Variants in RABGAP1L observed in about 807,000 individuals in gnomAD.
RABGAP1L encodes RAB GTPase activating protein 1 like.
Under a neutral mutation model 137.7 loss-of-function variants are expected in RABGAP1L, and 63 were observed. That is an observed-to-expected ratio of 0.46 (90% confidence interval 0.37 to 0.56). The LOEUF (loss-of-function observed/expected upper bound fraction) is 0.56. Ranked by LOEUF, RABGAP1L falls within the 20% of genes least tolerant of loss-of-function variation. The pLI is 0.00. For synonymous variants in RABGAP1L, 431 were observed against 433.7 expected (o/e 0.99, Z 0.08); for missense variants, 1,095 against 1,244.0 (o/e 0.88, Z 1.80).
At chr1:174,804,086 A>G (rs915660050) in intron 18 of RABGAP1L, among the ~76,000 whole-genome samples, 1 of 151,378 alleles carries the variant, frequency 6.6e-6, no homozygotes, top group Non-Finnish European at 1.5e-5. Context: ...AAAATATGAT[A>G]CTCTTGCACT....
chr1:174,728,492 A>C (rs1458484688), intron 17 of RABGAP1L, among the ~76,000 whole-genome samples: 1 of 152,196 alleles, frequency 6.6e-6, no homozygotes, highest in East Asian at 1.9e-4. Flanking sequence ...AAATGAAAAA[A>C]CATTTCTTGT....
chr1:174,744,819 A>C (rs1410887439), intron 17 of RABGAP1L, among the ~76,000 whole-genome samples: 1 of 152,172 alleles, frequency 6.6e-6, no homozygotes, highest in Non-Finnish European at 1.5e-5. Flanking sequence ...GGACCAGAAA[A>C]AGGGCATTAG....
chr1:174,542,810 T>A (rs1397966252), intron 13 of RABGAP1L, among the ~76,000 whole-genome samples: 2 of 152,220 alleles, frequency 1.3e-5, no homozygotes, highest in Admixed American at 1.3e-4. Flanking sequence ...TTCTCATTGG[T>A]TTCAAAGTAC....
chr1:174,715,478 T>C (rs1680920169), intron 17 of RABGAP1L, among the ~76,000 whole-genome samples: 1 of 152,226 alleles, frequency 6.6e-6, no homozygotes, highest in Non-Finnish European at 1.5e-5. Context: ...GACAGAATAC[T>C]GGCAGGCTTT....
intron 13 of RABGAP1L, among the ~76,000 whole-genome samples, chr1:174,450,530 G>T (rs1192874534): frequency 6.6e-6 from 1 of 152,080 alleles, no homozygotes; most frequent in Non-Finnish European, 1.5e-5. Flanking sequence ...TGCATTTTTA[G>T]TGCCGCTGAG....
At chr1:174,569,986 G>A (rs1279449995) in intron 13 of RABGAP1L, among the ~76,000 whole-genome samples, 1 of 152,176 alleles carries the variant, frequency 6.6e-6, no homozygotes, top group Non-Finnish European at 1.5e-5. Context: ...CTAACTTTAA[G>A]TTAAGAACCT....
intron 17 of RABGAP1L, among the ~76,000 whole-genome samples, chr1:174,724,595 T>C (rs1681837198): frequency 6.6e-6 from 1 of 152,232 alleles, no homozygotes; most frequent in South Asian, 2.1e-4. Flanking sequence ...TTTTTATTCA[T>C]TCAATTATTC....
chr1:174,169,843 AC>A (rs71734270), intron 1 of RABGAP1L, among the ~76,000 whole-genome samples: 44,729 of 151,844 alleles, frequency 0.29, 7,003 homozygotes, highest in African/African-American at 0.37. Context: ...ATAGGACTGT[AC>A]CCACCACACT....
At chr1:174,969,585 TGAC>T (rs1363305201) in intron 21 of RABGAP1L, among the ~76,000 whole-genome samples, 198 bp downstream of exon 21, 2 of 152,234 alleles carry the variant, frequency 1.3e-5, no homozygotes, top group Non-Finnish European at 2.9e-5. Flanking sequence ...ATAGCATGTG[TGAC>T]ATACTTTCTT....
chr1:174,586,339 A>G (rs1478158358), intron 13 of RABGAP1L, among the ~76,000 whole-genome samples: 2 of 146,416 alleles, frequency 1.4e-5, no homozygotes, highest in South Asian at 2.4e-4. Context: ...GAGCTGAACA[A>G]TGAGAACACA....
intron 12 of RABGAP1L, among the ~76,000 whole-genome samples, chr1:174,379,394 C>T (rs950299483): frequency 4.7e-5 from 7 of 148,632 alleles, no homozygotes; most frequent in South Asian, 4.3e-4. Context: ...GCCATTTTCA[C>T]GATATTGATT....
intron 19 of RABGAP1L, among the ~76,000 whole-genome samples, chr1:174,945,097 C>CT (rs1666520332): frequency 6.6e-6 from 1 of 152,174 alleles, no homozygotes; most frequent in Admixed American, 6.5e-5. Context: ...TCTCTCCTCT[C>CT]TTATTGTCTG....
intron 13 of RABGAP1L, among the ~76,000 whole-genome samples, chr1:174,533,030 C>G (rs902769879): frequency 6.6e-6 from 1 of 152,160 alleles, no homozygotes; most frequent in Non-Finnish European, 1.5e-5. Context: ...GTCGGGAGAT[C>G]AAGGCCATCC....
chr1:174,714,630 A>T (rs1680850146), intron 17 of RABGAP1L, among the ~76,000 whole-genome samples: 1 of 152,236 alleles, frequency 6.6e-6, no homozygotes, highest in Non-Finnish European at 1.5e-5. Flanking sequence ...AGAAACCTAG[A>T]CATAGTAGCT....
chr1:174,668,593 G>T (rs1676951323), intron 14 of RABGAP1L, among the ~76,000 whole-genome samples: 1 of 152,082 alleles, frequency 6.6e-6, no homozygotes, highest in Non-Finnish European at 1.5e-5. Context: ...TCTCTCTTTA[G>T]TATATTGATT....
chr1:174,858,204 ATGGGGTCTCAC>A (rs1457563306), intron 19 of RABGAP1L, among the ~76,000 whole-genome samples: 2 of 151,856 alleles, frequency 1.3e-5, no homozygotes, highest in Non-Finnish European at 2.9e-5. Flanking sequence ...TTTTGTAGAG[ATGGGGTCTCAC>A]TACGTTACTT....
intron 13 of RABGAP1L, among the ~76,000 whole-genome samples, chr1:174,636,489 T>C (rs866229180): frequency 8.0e-5 from 12 of 150,308 alleles, no homozygotes; most frequent in African/African-American, 3.0e-4. Flanking sequence ...GATCGTGCCA[T>C]TGTACTCCAG....
At chr1:174,780,116 A>T (rs2853052) in intron 18 of RABGAP1L, among the ~76,000 whole-genome samples, 66,510 of 145,870 alleles carry the variant, frequency 0.46, 17,077 homozygotes, top group Non-Finnish European at 0.58. Flanking sequence ...ATAAATAAAT[A>T]AATTAAATAA....
At chr1:174,876,487 A>G (rs1393901403) in intron 19 of RABGAP1L, among the ~76,000 whole-genome samples, 2 of 152,164 alleles carry the variant, frequency 1.3e-5, no homozygotes, top group East Asian at 3.9e-4. Context: ...AGTATACATT[A>G]TATTTCCTGA....
Sources: gnomAD v4.1 joint callset for allele counts (sites outside exome capture counted in the v4.1 genomes callset) on GRCh38, gnomAD v4.1.1 for gene constraint, MANE v1.5 for transcripts, NCBI Gene and HGNC (gene_info 2026-07-23, HGNC 2026-07-21) for gene names.